Variants in PRUNE2 observed in about 807,000 individuals in gnomAD.
PRUNE2 encodes the protein prune homolog 2 with BCH domain.
In PRUNE2, 164 loss-of-function variants were observed where a neutral mutation model predicts 252.0. That is an observed-to-expected ratio of 0.65 (90% confidence interval 0.57 to 0.74). The LOEUF (loss-of-function observed/expected upper bound fraction) is 0.74, where lower values mean the gene tolerates loss of function less well. PRUNE2 is among the 30% of genes least tolerant of loss of function. The pLI, the probability that PRUNE2 is intolerant of heterozygous loss-of-function variation, is 0.00. For missense variants in PRUNE2, 3,495 were observed against 3,711.0 expected (o/e 0.94, Z 1.51); for synonymous variants, 1,292 against 1,350.2 (o/e 0.96, Z 0.94).
chr9:76,895,363 C>G (rs1649150756), intron 1 of PRUNE2, among the ~76,000 whole-genome samples: 1 of 152,144 alleles, frequency 6.6e-6, no homozygotes, highest in South Asian at 2.1e-4. Flanking sequence ...CTCCCCACAT[C>G]AGACTCACAT....
At chr9:76,715,503 A>G (rs949752919) in intron 6 of PRUNE2, among the ~76,000 whole-genome samples, 1 of 152,192 alleles carries the variant, frequency 6.6e-6, no homozygotes, top group Non-Finnish European at 1.5e-5. Flanking sequence ...GCACATACGA[A>G]TCCACAAAGG....
rs1379491045 is a variant in PRUNE2 at position 76,706,738 on chromosome 9, T to C, written c.5536A>G (p.Arg1846Gly). Residue 1846 changes from arginine to glycine, a missense_variant, in exon 8 of 19, where the codon AGG becomes GGG. By Grantham distance (125) the Arg-to-Gly change is moderately radical (BLOSUM62 -2). Transcript: ENST00000376718. ...ACACCACTGGAGTCAGACAGCTCCC[T>C]TTCAAATGGACTTTCAATTAGTCTC... ...EGRLIESPFE[R>G]ELSDSSGVLE... The C allele has an allele frequency of 6.2e-7, 1 of 1,612,784 alleles. No individual in the cohort carries two copies. Among genetic ancestry groups the C allele is most frequent in the Admixed American group, 1.7e-5 (1 of 59,846 alleles).
intron 1 of PRUNE2, among the ~76,000 whole-genome samples, chr9:76,885,395 G>A (rs1714677131): frequency 6.6e-6 from 1 of 152,282 alleles, no homozygotes; most frequent in East Asian, 1.9e-4. Context: ...AGGTGAATTT[G>A]AGAGTCAGGT....
intron 9 of PRUNE2, among the ~76,000 whole-genome samples, chr9:76,658,482 T>C (rs1341155951): frequency 6.6e-6 from 1 of 152,234 alleles, no homozygotes; most frequent in Non-Finnish European, 1.5e-5. Context: ...TTGTAAATAC[T>C]TCAACCACAT....
chr9:76,645,870 G>C (rs1442222305), intron 11 of PRUNE2, among the ~76,000 whole-genome samples: 1 of 151,908 alleles, frequency 6.6e-6, no homozygotes. Context: ...TCTTTCTATG[G>C]CACTTTGATG....
At chr9:76,837,409 T>A (rs1023273436) in intron 4 of PRUNE2, among the ~76,000 whole-genome samples, 2 of 150,960 alleles carry the variant, frequency 1.3e-5, no homozygotes, top group African/African-American at 2.4e-5. Context: ...GCCATTGCAC[T>A]CCGGCCTGGC....
At chr9:76,747,365 C>T (rs2050215606) in intron 6 of PRUNE2, among the ~76,000 whole-genome samples, 1 of 152,110 alleles carries the variant, frequency 6.6e-6, no homozygotes, top group Non-Finnish European at 1.5e-5. Flanking sequence ...TTAACTACTG[C>T]AAAAGTTACT....
chr9:76,695,554 T>C (rs1355635517), intron 9 of PRUNE2, among the ~76,000 whole-genome samples: 1 of 152,044 alleles, frequency 6.6e-6, no homozygotes, highest in Non-Finnish European at 1.5e-5. Flanking sequence ...TGGCCTCAAA[T>C]TACAAAAGAA....
At chr9:76,846,400 C>G in intron 4 of PRUNE2, 115 bp downstream of exon 4, 1 of 801,124 alleles carries the variant, frequency 1.2e-6, no homozygotes, top group East Asian at 2.5e-5. Flanking sequence ...TGAAGCTTCC[C>G]GTGGTCTTTA....
chr9:76,826,619 T>C lies in PRUNE2; in HGVS notation c.622A>G (p.Ile208Val), dbSNP rs1438035603. 6.2e-7 allele frequency: 1 copy of C among 1,611,822 alleles called. No homozygotes were observed. The highest frequency in any genetic ancestry group is 8.5e-7 in the Non-Finnish European group (1 of 1,178,598). ...TGGGTCTCCTGTAGGACGTTGATGATGTCCTCTCTTGGAGGCAAGTTAGGA... is the reference window on the plus strand; with the variant it reads ...TGGGTCTCCTGTAGGACGTTGATGACGTCCTCTCTTGGAGGCAAGTTAGGA... ...KFPNLPPRED[I>V]INVLQETQFS... The change falls in exon 5 of 19, where the codon ATC becomes GTC. Residue 208 changes from isoleucine to valine, a missense_variant. Transcript: ENST00000376718.
intron 8 of PRUNE2, 70 bp from the exon 9 acceptor site, chr9:76,704,169 C>T: frequency 9.2e-6 from 9 of 976,632 alleles, no homozygotes; most frequent in Non-Finnish European, 1.3e-5. Context: ...ATTTGTGATC[C>T]TTGCAAATGA....
At chr9:76,861,389 A>C (rs567843990) in intron 1 of PRUNE2, among the ~76,000 whole-genome samples, 1 of 152,174 alleles carries the variant, frequency 6.6e-6, no homozygotes, top group East Asian at 1.9e-4. Context: ...AATTATGAGA[A>C]ATTTAAAATC....
At chr9:76,768,568 T>C (rs2052694041) in intron 6 of PRUNE2, among the ~76,000 whole-genome samples, 2 of 116,632 alleles carry the variant, frequency 1.7e-5, no homozygotes, top group South Asian at 6.1e-4. Flanking sequence ...TGGGTTGATA[T>C]ATATATGTAT....
intron 1 of PRUNE2, among the ~76,000 whole-genome samples, chr9:76,890,255 A>G (rs1446564739): frequency 6.6e-6 from 1 of 152,204 alleles, no homozygotes; most frequent in Non-Finnish European, 1.5e-5. Context: ...GCTGCACAGA[A>G]AACACTGATA....
intron 11 of PRUNE2, among the ~76,000 whole-genome samples, chr9:76,650,357 A>G (rs1233439568): frequency 2.0e-5 from 3 of 151,846 alleles, no homozygotes; most frequent in Admixed American, 2.0e-4. Context: ...AGTATTCATT[A>G]AAAGAAAATA....
chr9:76,682,352 T>C (rs1022243071), intron 9 of PRUNE2, among the ~76,000 whole-genome samples: 1 of 141,046 alleles, frequency 7.1e-6, no homozygotes, highest in African/African-American at 2.5e-5. Flanking sequence ...CTATGGATGA[T>C]CACTATTAAC....
At chr9:76,716,375 T>C (rs57242747) in intron 6 of PRUNE2, among the ~76,000 whole-genome samples, 2,335 of 152,324 alleles carry the variant, frequency 0.015, 52 homozygotes, top group African/African-American at 0.053. Flanking sequence ...CCAACAATCC[T>C]AGGAATTGGA....
chr9:76,888,702 A>C (rs767899353), intron 1 of PRUNE2, among the ~76,000 whole-genome samples: 1 of 152,064 alleles, frequency 6.6e-6, no homozygotes, highest in Non-Finnish European at 1.5e-5. Flanking sequence ...TTCCAACATT[A>C]AGTTTTCTGT....
At chr9:76,771,396 C>T (rs1289756588) in intron 6 of PRUNE2, among the ~76,000 whole-genome samples, 1 of 152,114 alleles carries the variant, frequency 6.6e-6, no homozygotes, top group East Asian at 1.9e-4. Flanking sequence ...TCTTCATGCA[C>T]TTAATAAGTC....
Sources: gnomAD v4.1 joint callset for allele counts (sites outside exome capture counted in the v4.1 genomes callset) on GRCh38, gnomAD v4.1.1 for gene constraint, MANE v1.5 for transcripts, NCBI Gene and HGNC (gene_info 2026-07-23, HGNC 2026-07-21) for gene names.